The following MACO1 variants were observed in gnomAD, a reference collection of about 807,000 sequenced individuals.
MACO1 encodes macoilin 1, also known as macoilin.
A neutral mutation model predicts 78.7 loss-of-function variants in MACO1; 14 were observed. That is an observed-to-expected ratio of 0.18 (90% CI 0.12 to 0.28). The LOEUF (loss-of-function observed/expected upper bound fraction) is 0.28. MACO1 is among the 10% of genes least tolerant of loss of function. The pLI is 1.00. For synonymous variants in MACO1, 288 were observed against 291.6 expected, an observed-to-expected ratio of 0.99 and a Z score of 0.12; for missense variants, 501 against 799.0, an observed-to-expected ratio of 0.63 and a Z score of 4.50.
At position 25,431,054 on chromosome 1, in the gene MACO1, A is replaced by G. The variant is rs1235933968; in HGVS notation, c.-45A>G. 5.4e-6 allele frequency: 8 copies of G among 1,470,914 alleles called. No homozygotes were observed. Among genetic ancestry groups the G allele is most frequent in the Non-Finnish European group, 7.3e-6 (8 of 1,094,650 alleles). The allele number at this position is 1,470,914 out of a possible 1,614,324, so 91.1% of individuals were successfully genotyped here. On this transcript the variant is annotated 5_prime_UTR_variant, in exon 1 of 11. Transcript: ENST00000374343. ...GCCAGCGGCGGCGGCAGCTGAGGTG[A>G]GAGACGGCGGCGGCGGCGCGGGCAC...
chr1:25,454,486 ATATTTT>A, intron 4 of MACO1, 104 bp downstream of exon 4: 3 of 143,512 alleles, frequency 2.1e-5, no homozygotes, highest in Non-Finnish European at 3.3e-5. Context: ...ATATATATAT[ATATTTT>A]TTTTTTTTTT....
intron 6 of MACO1, among the ~76,000 whole-genome samples, chr1:25,476,714 C>G (rs909669553): frequency 1.1e-4 from 16 of 152,278 alleles, no homozygotes; most frequent in African/African-American, 3.6e-4. Flanking sequence ...TAATGTGTAC[C>G]AGGGGAACTC....
intron 1 of MACO1, among the ~76,000 whole-genome samples, chr1:25,442,804 C>T (rs1459739194): frequency 2.0e-5 from 3 of 152,138 alleles, no homozygotes; most frequent in South Asian, 4.1e-4. Context: ...CATTGGCACT[C>T]GGAAGCTTAC....
chr1:25,480,268 T>C (rs751290618), intron 6 of MACO1, among the ~76,000 whole-genome samples: 8 of 152,234 alleles, frequency 5.3e-5, no homozygotes, highest in Non-Finnish European at 1.0e-4. Context: ...CCATTAGCCA[T>C]TGGGCAGTGT....
chr1:25,475,270 G>A (rs1049541049), intron 6 of MACO1, among the ~76,000 whole-genome samples: 3 of 152,102 alleles, frequency 2.0e-5, no homozygotes, highest in Non-Finnish European at 2.9e-5. Context: ...GCATGAACCC[G>A]GGAGGCAGAG....
At chr1:25,445,314 A>AG (rs1553163924) in intron 1 of MACO1, among the ~76,000 whole-genome samples, 1 of 151,770 alleles carries the variant, frequency 6.6e-6, no homozygotes, top group Non-Finnish European at 1.5e-5. Context: ...AAAAAAAAAA[A>AG]GATTGCGTTC....
At chr1:25,470,579 G>A (rs770083442) in intron 6 of MACO1, among the ~76,000 whole-genome samples, 2 of 152,184 alleles carry the variant, frequency 1.3e-5, no homozygotes, top group East Asian at 1.9e-4. Flanking sequence ...TCCTTAGTGG[G>A]GAACCACAGT....
At chr1:25,452,199 G>A (rs964328195) in intron 3 of MACO1, among the ~76,000 whole-genome samples, 7 of 152,120 alleles carry the variant, frequency 4.6e-5, no homozygotes, top group Non-Finnish European at 7.4e-5. Flanking sequence ...CTAGTTTGAA[G>A]ATACTATGAT....
At chr1:25,439,907 A>G (rs987061999) in intron 1 of MACO1, among the ~76,000 whole-genome samples, 1 of 151,722 alleles carries the variant, frequency 6.6e-6, no homozygotes, top group Admixed American at 6.6e-5. Context: ...AATCCCAGCT[A>G]CTTGGGAGGC....
chr1:25,453,838 A>G (rs1029209971), intron 3 of MACO1, among the ~76,000 whole-genome samples: 1 of 152,070 alleles, frequency 6.6e-6, no homozygotes, highest in Non-Finnish European at 1.5e-5. Context: ...GTCTTTAAAA[A>G]TTTTATCTAA....
At chr1:25,449,776 T>C (rs2043048809) in intron 3 of MACO1, among the ~76,000 whole-genome samples, 1 of 152,336 alleles carries the variant, frequency 6.6e-6, no homozygotes, top group South Asian at 2.1e-4. Context: ...CCCAGCACTT[T>C]GGGAGGCTGA....
At chr1:25,490,286 T>C (rs1449248203) in intron 9 of MACO1, among the ~76,000 whole-genome samples, 1 of 152,176 alleles carries the variant, frequency 6.6e-6, no homozygotes, top group African/African-American at 2.4e-5. Flanking sequence ...GGAAAGCTCA[T>C]ATATATAGCA....
intron 1 of MACO1, among the ~76,000 whole-genome samples, chr1:25,442,326 A>G (rs1272171336): frequency 1.3e-5 from 2 of 152,320 alleles, no homozygotes; most frequent in East Asian, 3.9e-4. Context: ...CAGATACTGA[A>G]TGCAAAAGGT....
intron 6 of MACO1, among the ~76,000 whole-genome samples, chr1:25,481,801 C>T (rs2043381541): frequency 6.6e-6 from 1 of 152,112 alleles, no homozygotes; most frequent in Non-Finnish European, 1.5e-5. Flanking sequence ...TGTGACCCTT[C>T]CCTGGGGAGC....
chr1:25,439,600 C>T (rs2042950441), intron 1 of MACO1, among the ~76,000 whole-genome samples: 1 of 151,570 alleles, frequency 6.6e-6, no homozygotes, highest in Admixed American at 6.6e-5. Flanking sequence ...GGATTTTATA[C>T]AAGGAGGTGC....
chr1:25,449,330 C>T (rs1037003951), intron 3 of MACO1, among the ~76,000 whole-genome samples: 11 of 152,138 alleles, frequency 7.2e-5, no homozygotes, highest in African/African-American at 2.7e-4. Context: ...GCAAAAGAAT[C>T]CTCACAGCAT....
chr1:25,466,171 C>G (rs1312784918), intron 6 of MACO1, among the ~76,000 whole-genome samples: 1 of 152,124 alleles, frequency 6.6e-6, no homozygotes, highest in Admixed American at 6.6e-5. Flanking sequence ...ACTTACAATT[C>G]TTTGAGGAAT....
At chr1:25,475,789 A>G (rs952541686) in intron 6 of MACO1, among the ~76,000 whole-genome samples, 7 of 152,170 alleles carry the variant, frequency 4.6e-5, no homozygotes, top group Non-Finnish European at 1.0e-4. Flanking sequence ...CCACTATTTT[A>G]TATCCTCCCA....
chr1:25,481,693 T>C (rs567726156), intron 6 of MACO1, among the ~76,000 whole-genome samples: 2 of 152,236 alleles, frequency 1.3e-5, no homozygotes, highest in Non-Finnish European at 2.9e-5. Context: ...AGTATGGTGA[T>C]GGTATAAATG....
Sources: gnomAD v4.1 joint callset for allele counts (sites outside exome capture counted in the v4.1 genomes callset) on GRCh38, gnomAD v4.1.1 for gene constraint, MANE v1.5 for transcripts, NCBI Gene and HGNC (gene_info 2026-07-23, HGNC 2026-07-21) for gene names.